GLRA2: variants seen among roughly 807,000 people sequenced by gnomAD.
GLRA2 encodes glycine receptor subunit alpha-2.
A neutral mutation model predicts 31.6 loss-of-function variants in GLRA2; 11 were observed. The observed-to-expected ratio is 0.35, with a 90% CI of 0.22 to 0.58. GLRA2 has a LOEUF of 0.58. GLRA2 is among the 20% of genes least tolerant of loss of function. The pLI is 0.84. For synonymous variants in GLRA2, 132 were observed against 134.0 expected (o/e 0.99, Z 0.10); for missense variants, 212 against 351.8 (o/e 0.60, Z 3.18).
At chrX:14,554,615 C>G (rs1234194642) in intron 2 of GLRA2, among the ~76,000 whole-genome samples, 2 of 110,836 alleles carry the variant, frequency 1.8e-5, no homozygotes, top group Non-Finnish European at 1.9e-5. Flanking sequence ...AATAATTTTC[C>G]AAAATAAGGT....
chrX:14,688,572 G>A lies in GLRA2; in HGVS notation c.931-2138G>A, dbSNP rs1448458389. Among the ~76,000 whole-genome samples the A allele has an allele frequency of 2.7e-5, 3 of 111,573 alleles. No homozygotes were observed. The East Asian group carries it at 8.5e-4, about 32-fold the overall frequency. On this transcript the variant is annotated intron_variant, in intron 7 of 8. Coordinates refer to ENST00000218075, the MANE Select transcript of GLRA2 (RefSeq NM_002063.4). ...AGATTGCTGTGCTAGCAATGAGTGA[G>A]GCTCCGTGGGTGTGGGACCCTCCGA...
At chrX:14,462,362 T>A in the GLRA2 span, among the ~76,000 whole-genome samples, 1 of 111,130 alleles carries the variant, frequency 9.0e-6, no homozygotes, top group Non-Finnish European at 1.9e-5. Flanking sequence ...TTTGTGGTGT[T>A]CTCTGTATTT....
intron 7 of GLRA2, among the ~76,000 whole-genome samples, chrX:14,619,091 G>C (rs1037264648): frequency 7.8e-4 from 87 of 111,097 alleles, no homozygotes; most frequent in African/African-American, 2.8e-3. Context: ...GTGTTTGATG[G>C]AATAACTAGC....
intron 7 of GLRA2, among the ~76,000 whole-genome samples, chrX:14,668,009 ATC>A (rs1480610567): frequency 8.9e-6 from 1 of 112,141 alleles, no homozygotes; most frequent in Non-Finnish European, 1.9e-5. Flanking sequence ...CAAGGCTGAA[ATC>A]TCACATGATT....
At chrX:14,723,714 A>G (rs1039501636) in intron 8 of GLRA2, among the ~76,000 whole-genome samples, 1 of 111,354 alleles carries the variant, frequency 9.0e-6, no homozygotes, top group Non-Finnish European at 1.9e-5. Context: ...TATCTCAGAC[A>G]TTGCCAAACC....
intron 7 of GLRA2, among the ~76,000 whole-genome samples, chrX:14,681,910 A>AAAAAAAAAAATATATATATATATAT (rs758563376): frequency 2.4e-5 from 1 of 41,280 alleles, no homozygotes; most frequent in African/African-American, 1.2e-4. Flanking sequence ...AAAAAAAAAA[A>AAAAAAAAAAATATATATATATATAT]ATATATATAT....
chrX:14,657,767 A>T (rs941317971), intron 7 of GLRA2, among the ~76,000 whole-genome samples: 11 of 112,316 alleles, frequency 9.8e-5, no homozygotes, highest in African/African-American at 3.6e-4. Context: ...CCTCAAAGGA[A>T]CAATGCTTGA....
chrX:14,551,089 C>T (rs5935768), intron 2 of GLRA2, among the ~76,000 whole-genome samples: 27,635 of 111,241 alleles, frequency 0.25, 3,285 homozygotes, highest in Non-Finnish European at 0.38. Context: ...ATCCCTATTT[C>T]ACAGATTACA....
At chrX:14,449,144 A>G in the GLRA2 span, among the ~76,000 whole-genome samples, 2 of 111,980 alleles carry the variant, frequency 1.8e-5, no homozygotes, top group Non-Finnish European at 3.8e-5. Flanking sequence ...ATCACACTTC[A>G]AACAGATCTT....
At chrX:14,535,030 C>T (rs1482864330) in intron 2 of GLRA2, among the ~76,000 whole-genome samples, 1 of 110,940 alleles carries the variant, frequency 9.0e-6, no homozygotes, top group Non-Finnish European at 1.9e-5. Context: ...TAACGGTCTC[C>T]CTGTAAATGT....
intron 5 of GLRA2, 149 bp downstream of exon 5, chrX:14,604,546 G>A (rs2090313435): frequency 4.3e-5 from 1 of 23,515 alleles, no homozygotes; most frequent in Non-Finnish European, 1.1e-4. Context: ...AAACCAAAGT[G>A]TGTGTGTGTG....
chrX:14,502,837 C>T, the GLRA2 span, among the ~76,000 whole-genome samples: 9 of 102,415 alleles, frequency 8.8e-5, no homozygotes, highest in African/African-American at 1.4e-4. Flanking sequence ...TCCAGCACTA[C>T]GCTACATTTT....
intron 2 of GLRA2, among the ~76,000 whole-genome samples, chrX:14,549,202 T>C (rs1316603477): frequency 8.9e-6 from 1 of 111,872 alleles, no homozygotes; most frequent in African/African-American, 3.2e-5. Flanking sequence ...TAGAGAACTG[T>C]CCATGTCTGG....
chrX:14,451,665 A>C, the GLRA2 span, among the ~76,000 whole-genome samples: 220 of 93,183 alleles, frequency 2.4e-3, 2 homozygotes, highest in Non-Finnish European at 4.1e-3. Flanking sequence ...AAAAAAAAAA[A>C]GGTACAGAGT....
At chrX:14,495,531 C>T in the GLRA2 span, among the ~76,000 whole-genome samples, 10 of 108,616 alleles carry the variant, frequency 9.2e-5, no homozygotes, top group East Asian at 1.8e-3. Flanking sequence ...TGATTGAGCA[C>T]GGGGTATATT....
chrX:14,556,516 T>G (rs1268286030), intron 2 of GLRA2, among the ~76,000 whole-genome samples: 3 of 112,145 alleles, frequency 2.7e-5, no homozygotes, highest in African/African-American at 9.7e-5. Context: ...TGATGACATT[T>G]TATTATAGCA....
the GLRA2 span, among the ~76,000 whole-genome samples, chrX:14,463,632 G>T: frequency 6.7e-4 from 74 of 111,147 alleles, 1 homozygote; most frequent in Non-Finnish European, 1.1e-3. Flanking sequence ...TCAGACTGCT[G>T]CACTAGCAGT....
chrX:14,708,437 T>C (rs1185553698), intron 8 of GLRA2, among the ~76,000 whole-genome samples: 1 of 111,298 alleles, frequency 9.0e-6, no homozygotes, highest in Non-Finnish European at 1.9e-5. Flanking sequence ...AGGAGGTATA[T>C]GTTGCACTAA....
Position 14,532,324 on chromosome X carries a change from A to G in GLRA2, c.154A>G (p.Met52Val), listed in dbSNP as rs1311693197. ...TCCTTCAGATTTCTTGGACAAGTTA[A>G]TGGGAAGGACATCAGGATATGATGC... is the stretch of plus-strand genomic sequence containing the variant. ...LSPSDFLDKL[M>V]GRTSGYDARI... is the part of the protein sequence containing the mutation. Residue 52 changes from methionine to valine, a missense_variant, in exon 2 of 9, where the codon ATG becomes GTG. Physicochemically the swap from Met to Val is conservative, Grantham distance 21 (BLOSUM62 1). Around this residue, in one of 5 missense-constraint regions of GLRA2, gnomAD observed 110 missense variants for 232.6 expected, o/e 0.47. Transcript: ENST00000218075. 8.4e-7 allele frequency: 1 copy of G among 1,192,773 alleles called. No homozygotes were observed. Among genetic ancestry groups the G allele is most frequent in the East Asian group, 3.0e-5 (1 of 33,532 alleles).
Sources: allele counts gnomAD v4.1 joint callset (sites outside exome capture counted in the v4.1 genomes callset), GRCh38; gene constraint gnomAD v4.1.1; regional missense constraint gnomAD v4.1.1; transcripts MANE v1.5; gene names NCBI Gene and HGNC (gene_info 2026-07-23, HGNC 2026-07-21).